Variants in KCTD13 observed in about 807,000 individuals in gnomAD.
KCTD13 encodes potassium channel tetramerization domain containing 13.
Under a neutral mutation model 32.3 loss-of-function variants are expected in KCTD13, and 15 were observed. The observed-to-expected ratio is 0.46, with a 90% CI of 0.31 to 0.71. The LOEUF is 0.71. Among genes scored for constraint, KCTD13 ranks in the 30% least tolerant of loss-of-function variants. The pLI is 0.05. For synonymous variants in KCTD13, 189 were observed against 200.1 expected (o/e 0.94, Z 0.47); for missense variants, 337 against 452.6 (o/e 0.74, Z 2.32).
intron 2 of KCTD13, 140 bp downstream of exon 2, chr16:29,923,050 G>A (rs2068939040): frequency 4.5e-6 from 4 of 880,390 alleles, no homozygotes; most frequent in Non-Finnish European, 6.7e-6. Context: ...TGCAGAAGAT[G>A]GCACCTCAAA....
intron 2 of KCTD13, chr16:29,922,918 G>T: frequency 2.1e-6 from 1 of 469,588 alleles, no homozygotes; most frequent in Non-Finnish European, 3.7e-6. Flanking sequence ...TAATTACTCA[G>T]GTGCGAGTGT....
rs750765239 is a variant in KCTD13, at chr16:29,912,027, G to C, written c.437C>G (p.Pro146Arg). Residue 146 changes from proline (P) to arginine (R), a missense_variant, in exon 3 of 6, where the codon CCG becomes CGG. Coordinates refer to ENST00000568000, the MANE Select transcript of KCTD13 (RefSeq NM_178863.5). ...TGTCACCATGGGGATGAGGCACAGC[G>C]GGGACAGCGTCTCCCTTTTTTGCTG... ...ALQQKRETLSPLCLIPMVTSP... is the reference protein window; with the variant it reads ...ALQQKRETLSRLCLIPMVTSP... 6.2e-7 allele frequency: 1 copy of C among 1,609,408 alleles called. No individual in the cohort carries two copies. Among genetic ancestry groups the C allele is most frequent in the Non-Finnish European group, 8.5e-7 (1 of 1,177,998 alleles).
chr16:29,917,105 T>C (rs1216817961), intron 2 of KCTD13, among the ~76,000 whole-genome samples: 3 of 152,164 alleles, frequency 2.0e-5, no homozygotes, highest in Admixed American at 2.0e-4. Flanking sequence ...AGGGTCTCCT[T>C]GGTGAGGATC....
rs765190983 is a variant in KCTD13 at position 29,926,077 on chromosome 16, C to T, written c.-44G>A. 13 of 1,450,642 alleles carry T rather than the reference C, an allele frequency of 9.0e-6. No individual in the cohort carries two copies. Among genetic ancestry groups the T allele is most frequent in the Admixed American group, 8.6e-5 (3 of 34,876 alleles). The allele number at this position is 1,450,642 out of a possible 1,614,324, so 89.9% of individuals were successfully genotyped here. On this transcript the variant is annotated 5_prime_UTR_variant, in exon 1 of 6. Transcript: ENST00000568000. Reference sequence around the variant, plus strand: ...ACGGCGATCCCAGGATCTCTCCGCGCCCTGCGGCCTGCTCCCGAAGACCCT... The same window carrying T: ...ACGGCGATCCCAGGATCTCTCCGCGTCCTGCGGCCTGCTCCCGAAGACCCT...
intron 1 of KCTD13, among the ~76,000 whole-genome samples, chr16:29,923,588 G>A (rs187580426): frequency 4.6e-5 from 7 of 152,234 alleles, no homozygotes; most frequent in Non-Finnish European, 8.8e-5. Context: ...CCAGCCAGGC[G>A]CGGTGGCTCA....
chr16:29,923,200 A>G lies in KCTD13; in HGVS notation c.404T>C (p.Leu135Pro). 1 of 1,614,202 alleles carries G rather than the reference A, an allele frequency of 6.2e-7. No individual in the cohort carries two copies. Among genetic ancestry groups the G allele is most frequent in the Non-Finnish European group, 8.5e-7 (1 of 1,180,016 alleles). The change falls in exon 2 of 6, where the codon CTG becomes CCG. Residue 135 changes from leucine (L) to proline (P), a missense_variant. This residue lies in a region of KCTD13 where 252 missense variants were observed against 340.2 expected (regional missense o/e 0.74). Transcript: ENST00000568000. ...TCCGAAGGCCCTCACCTGCAGCGCC[A>G]GCTGGCAGTCCTCAATCAGGCCCTG... ...LVQGLIEDCQ[L>P]ALQQKRETLS...
At chr16:29,908,279 G>C (rs1324516945) in intron 5 of KCTD13, among the ~76,000 whole-genome samples, 1 of 152,170 alleles carries the variant, frequency 6.6e-6, no homozygotes, top group Non-Finnish European at 1.5e-5. Flanking sequence ...AGATGAGAGG[G>C]AATGGAAAGG....
chr16:29,911,489 C>G, intron 4 of KCTD13: 1 of 563,168 alleles, frequency 1.8e-6, no homozygotes, highest in South Asian at 2.3e-5. Flanking sequence ...TCTTGGTGTC[C>G]CGACCTCCTC....
chr16:29,925,598 G>A (rs2068980637), intron 1 of KCTD13, 192 bp downstream of exon 1: 5 of 623,484 alleles, frequency 8.0e-6, no homozygotes, highest in Admixed American at 2.7e-5. Context: ...GTAAAGGATT[G>A]GGGGAGGAGA....
chr16:29,922,254 T>G (rs1378714714), intron 2 of KCTD13: 1 of 152,030 alleles, frequency 6.6e-6, no homozygotes, highest in Non-Finnish European at 1.5e-5. Flanking sequence ...TCTACACCTT[T>G]GGGCTTCAAG....
chr16:29,908,372 A>C (rs1235440470), intron 5 of KCTD13, among the ~76,000 whole-genome samples: 1 of 151,826 alleles, frequency 6.6e-6, no homozygotes, highest in East Asian at 1.9e-4. Flanking sequence ...CTGTTTTTTT[A>C]ATTTTTTATT....
At chr16:29,925,249 C>T (rs575431315) in intron 1 of KCTD13, among the ~76,000 whole-genome samples, 2 of 152,272 alleles carry the variant, frequency 1.3e-5, no homozygotes, top group East Asian at 1.9e-4. Flanking sequence ...CCTGGCAAAC[C>T]CAAAGCAGCC....
At position 29,926,108 on chromosome 16, in the gene KCTD13, G is replaced by T; in HGVS notation, c.-75C>A. On this transcript the variant is annotated 5_prime_UTR_variant, in exon 1 of 6. Coordinates refer to ENST00000568000, the MANE Select transcript of KCTD13 (RefSeq NM_178863.5). ...GGCCTGCTCCCGAAGACCCTCGGCC[G>T]GCCCCCAGCCCTTGGGCCAGACCGC... 1 of 1,421,016 alleles carries T rather than the reference G, an allele frequency of 7.0e-7. No individual in the cohort carries two copies. The highest frequency in any genetic ancestry group is 9.1e-7 in the Non-Finnish European group (1 of 1,093,770). 88.0% of individuals were successfully genotyped at this position (1,421,016 alleles called of 1,614,324 possible). A position where few individuals can be genotyped will look rare whatever the true frequency, so the allele number is the denominator to read the frequency against.
chr16:29,911,146 G>A lies in KCTD13; in HGVS notation c.585C>T (p.Asn195=). The A allele has an allele frequency of 1.2e-6, 2 of 1,614,112 alleles. No homozygotes were observed. The highest frequency in any genetic ancestry group is 2.7e-5 in the African/African-American group (2 of 75,054). The stretch of plus-strand genomic sequence containing the variant: ...GGGCCAGCTTGTCGAACAGCTCGAT[G>A]TTCTTAAGTAGGTTGTCATCTGAAG... ...TSTSDDNLLK[N]IELFDKLALR... is the part of the protein sequence containing the mutation. Residue 195 remains asparagine (N), a synonymous_variant, in exon 5 of 6, where the codon AAC becomes AAT. Coordinates refer to ENST00000568000, the MANE Select transcript of KCTD13 (RefSeq NM_178863.5).
Position 29,911,841 on chromosome 16 carries a change from G to A in KCTD13, c.531C>T (p.Arg177=). 3 of 1,612,712 alleles carry A rather than the reference G, an allele frequency of 1.9e-6. No homozygotes were observed. Among genetic ancestry groups the A allele is most frequent in the East Asian group, 2.2e-5 (1 of 44,858 alleles). The change falls in exon 4 of 6, where the codon CGC becomes CGT. Residue 177 remains arginine (R), a synonymous_variant. Transcript: ENST00000568000. The stretch of plus-strand genomic sequence containing the variant: ...TGGTGTAGGAGTACTTGTTGTTACT[G>A]CGGTTGTGCAGGAGCTTCACCACGG... ...SKPVVKLLHN[R]SNNKYSYTST...
At chr16:29,908,174 T>C (rs2068645782) in intron 5 of KCTD13, among the ~76,000 whole-genome samples, 1 of 151,818 alleles carries the variant, frequency 6.6e-6, no homozygotes, top group East Asian at 1.9e-4. Context: ...AAGAGCAGCC[T>C]GGGGAGGGCC....
chr16:29,914,060 C>T (rs1311576244), intron 2 of KCTD13: 1 of 152,184 alleles, frequency 6.6e-6, no homozygotes, highest in African/African-American at 2.4e-5. Context: ...AAACTCCCGA[C>T]CTCAGGTGAT....
chr16:29,909,921 C>T (rs1426548666), intron 5 of KCTD13, among the ~76,000 whole-genome samples: 2 of 151,742 alleles, frequency 1.3e-5, no homozygotes, highest in Non-Finnish European at 1.5e-5. Flanking sequence ...TTCTCTACTA[C>T]ATTTAGTCTC....
intron 1 of KCTD13, 194 bp downstream of exon 1, chr16:29,925,596 T>G: frequency 7.1e-5 from 41 of 580,620 alleles, no homozygotes; most frequent in East Asian, 2.5e-4. Context: ...GGGTAAAGGA[T>G]TGGGGGAGGA....
Sources: allele counts gnomAD v4.1 joint callset (sites outside exome capture counted in the v4.1 genomes callset), GRCh38; gene constraint gnomAD v4.1.1; regional missense constraint gnomAD v4.1.1; transcripts MANE v1.5; gene names NCBI Gene and HGNC (gene_info 2026-07-23, HGNC 2026-07-21).